RGS7: variants seen among roughly 807,000 people sequenced by gnomAD.
The protein encoded by RGS7 is regulator of G protein signaling 7.
RGS7 carries 27 observed loss-of-function variants against 81.1 expected under a neutral mutation model. That is an observed-to-expected ratio of 0.33 (90% confidence interval 0.25 to 0.46). The LOEUF is 0.46. Ranked by LOEUF, RGS7 falls within the 20% of genes least tolerant of loss-of-function variation. RGS7 has a pLI of 1.00. For missense variants in RGS7, 396 were observed against 607.4 expected, an observed-to-expected ratio of 0.65 and a Z score of 3.66; for synonymous variants, 208 against 207.7, an observed-to-expected ratio of 1.00 and a Z score of -0.01.
intron 2 of RGS7, among the ~76,000 whole-genome samples, chr1:241,147,780 T>TTACATATATATATATATA (rs1553268796): frequency 2.2e-5 from 1 of 44,604 alleles, no homozygotes; most frequent in East Asian, 8.1e-4. Context: ...AGATTAAGTT[T>TTACATATATATATATATA]TATATATATA....
At chr1:240,845,121 G>A (rs898776576) in intron 9 of RGS7, among the ~76,000 whole-genome samples, 1 of 152,150 alleles carries the variant, frequency 6.6e-6, no homozygotes, top group African/African-American at 2.4e-5. Context: ...AAATTAAAAA[G>A]CAACCTCCCT....
At chr1:241,237,804 C>G (rs1354011637) in intron 2 of RGS7, among the ~76,000 whole-genome samples, 4 of 152,090 alleles carry the variant, frequency 2.6e-5, no homozygotes. Flanking sequence ...CACCACCGTT[C>G]GAGTATAATT....
chr1:241,349,364 A>T (rs2083095100), intron 2 of RGS7, among the ~76,000 whole-genome samples: 1 of 152,194 alleles, frequency 6.6e-6, no homozygotes, highest in Non-Finnish European at 1.5e-5. Flanking sequence ...CTTTTTAGGA[A>T]CCCAGCTAAT....
chr1:241,133,559 A>G (rs1029690039), intron 2 of RGS7, among the ~76,000 whole-genome samples: 1 of 152,158 alleles, frequency 6.6e-6, no homozygotes, highest in Non-Finnish European at 1.5e-5. Flanking sequence ...CAAGAAAAAG[A>G]ACACTCATAA....
chr1:241,281,039 G>T (rs1476120536), intron 2 of RGS7, among the ~76,000 whole-genome samples: 1 of 151,800 alleles, frequency 6.6e-6, no homozygotes, highest in Admixed American at 6.6e-5. Flanking sequence ...GAACCACATA[G>T]TCTAGAAATA....
intron 2 of RGS7, among the ~76,000 whole-genome samples, chr1:241,236,471 G>A (rs112228120): frequency 2.0e-4 from 30 of 152,032 alleles, no homozygotes; most frequent in African/African-American, 5.3e-4. Flanking sequence ...AAGGACTTCC[G>A]CGCACCCATC....
At chr1:241,165,299 G>T (rs1285618695) in intron 2 of RGS7, among the ~76,000 whole-genome samples, 1 of 152,014 alleles carries the variant, frequency 6.6e-6, no homozygotes, top group East Asian at 1.9e-4. Context: ...CTATGCTAGG[G>T]GTCGAGCACA....
intron 6 of RGS7, 150 bp from the exon 7 acceptor site, chr1:240,870,269 C>A: frequency 1.4e-6 from 1 of 709,190 alleles, no homozygotes; most frequent in Non-Finnish European, 2.5e-6. Context: ...TATGTAATAA[C>A]ATTATTACTG....
At chr1:240,897,173 A>T (rs1252551756) in intron 6 of RGS7, among the ~76,000 whole-genome samples, 1 of 152,134 alleles carries the variant, frequency 6.6e-6, no homozygotes, top group Non-Finnish European at 1.5e-5. Context: ...GCTTAAGGAG[A>T]TTTTGTGCTG....
intron 6 of RGS7, among the ~76,000 whole-genome samples, chr1:240,901,813 G>C (rs894817857): frequency 1.3e-5 from 2 of 152,122 alleles, no homozygotes; most frequent in African/African-American, 4.8e-5. Context: ...ATTAAATCCA[G>C]TATTCTCCCA....
At chr1:241,168,541 G>T (rs948972534) in intron 2 of RGS7, among the ~76,000 whole-genome samples, 2 of 152,096 alleles carry the variant, frequency 1.3e-5, no homozygotes, top group African/African-American at 4.8e-5. Context: ...CTTTCAACAA[G>T]AGAATATGGC....
At chr1:240,848,951 A>C (rs190409767) in intron 9 of RGS7, among the ~76,000 whole-genome samples, 1 of 152,298 alleles carries the variant, frequency 6.6e-6, no homozygotes, top group East Asian at 1.9e-4. Flanking sequence ...AAAACACTAA[A>C]ATCCAAACAG....
chr1:241,170,581 G>T (rs1464587332), intron 2 of RGS7, among the ~76,000 whole-genome samples: 2 of 152,152 alleles, frequency 1.3e-5, no homozygotes, highest in Admixed American at 6.6e-5. Context: ...CCGTGGTGGG[G>T]TGTATAGTCT....
At chr1:241,185,151 T>C (rs753495830) in intron 2 of RGS7, among the ~76,000 whole-genome samples, 69 of 152,306 alleles carry the variant, frequency 4.5e-4, no homozygotes, top group Non-Finnish European at 6.0e-4. Flanking sequence ...GAACCACTAG[T>C]CAGGTCTAAG....
chr1:241,237,259 A>G (rs1212048435), intron 2 of RGS7, among the ~76,000 whole-genome samples: 1 of 152,220 alleles, frequency 6.6e-6, no homozygotes, highest in Non-Finnish European at 1.5e-5. Flanking sequence ...ATTCAAAACT[A>G]ATTTGTTTTC....
intron 5 of RGS7, among the ~76,000 whole-genome samples, chr1:240,935,482 A>T (rs1285033253): frequency 6.6e-6 from 1 of 152,180 alleles, no homozygotes; most frequent in Non-Finnish European, 1.5e-5. Flanking sequence ...TAATTTAACT[A>T]AGTGCTTGAA....
intron 2 of RGS7, among the ~76,000 whole-genome samples, chr1:241,327,131 AAAGAAAGAAAGAAAGG>A (rs2081628277): frequency 1.7e-5 from 2 of 116,408 alleles, no homozygotes; most frequent in African/African-American, 6.2e-5. Context: ...AGAAAGAAAG[AAAGAAAGAAAGAAAGG>A]AAAGAAAGAA....
intron 2 of RGS7, among the ~76,000 whole-genome samples, chr1:241,342,470 C>T (rs996267246): frequency 2.0e-5 from 3 of 152,194 alleles, no homozygotes; most frequent in Non-Finnish European, 4.4e-5. Flanking sequence ...ATTTCAATTG[C>T]TAATGAAATT....
chr1:241,155,604 C>T (rs1471750251), intron 2 of RGS7, among the ~76,000 whole-genome samples: 1 of 147,606 alleles, frequency 6.8e-6, no homozygotes, highest in Non-Finnish European at 1.5e-5. Context: ...AGGAAATGAC[C>T]TAGGCTGTTA....
Sources: allele counts gnomAD v4.1 joint callset (sites outside exome capture counted in the v4.1 genomes callset), GRCh38; gene constraint gnomAD v4.1.1; transcripts MANE v1.5; gene names NCBI Gene and HGNC (gene_info 2026-07-23, HGNC 2026-07-21).